Variants in CCDC191 observed in about 807,000 individuals in gnomAD.
CCDC191 encodes coiled-coil domain containing 191.
A neutral mutation model predicts 114.0 loss-of-function variants in CCDC191; 99 were observed. The observed-to-expected ratio is 0.87, with a 90% CI of 0.74 to 1.03. The LOEUF (loss-of-function observed/expected upper bound fraction) is 1.03, where lower values mean the gene tolerates loss of function less well. Ranked by LOEUF, CCDC191 falls within the 50% of genes least tolerant of loss-of-function variation. The pLI is 0.00. For missense variants in CCDC191, 973 were observed against 1,087.0 expected (o/e 0.90, Z 1.47); for synonymous variants, 351 against 376.0 (o/e 0.93, Z 0.77).
intron 8 of CCDC191, among the ~76,000 whole-genome samples, chr3:114,016,102 G>C (rs1279064973): frequency 1.3e-5 from 2 of 152,192 alleles, no homozygotes; most frequent in Non-Finnish European, 2.9e-5. Flanking sequence ...ACGTCAGCGA[G>C]GGGAGCTAGA....
intron 7 of CCDC191, among the ~76,000 whole-genome samples, chr3:114,021,579 C>T (rs1172686779): frequency 6.6e-6 from 1 of 152,084 alleles, no homozygotes; most frequent in Non-Finnish European, 1.5e-5. Context: ...AAGGAATATA[C>T]TCAGTTCCGT....
intron 9 of CCDC191, 146 bp from the exon 10 acceptor site, chr3:114,006,108 C>T (rs2107668667): frequency 1.3e-6 from 1 of 741,964 alleles, no homozygotes; most frequent in East Asian, 2.7e-5. Context: ...GGCCTGGCTA[C>T]CTCAGAGGCC....
At chr3:114,038,297 C>G (rs2076513968) in intron 4 of CCDC191, among the ~76,000 whole-genome samples, 1 of 152,118 alleles carries the variant, frequency 6.6e-6, no homozygotes, top group Non-Finnish European at 1.5e-5. Context: ...TGTCAAATAA[C>G]AACATTTCCA....
chr3:113,975,385 A>G (rs1202343945), intron 16 of CCDC191, among the ~76,000 whole-genome samples: 1 of 152,226 alleles, frequency 6.6e-6, no homozygotes, highest in African/African-American at 2.4e-5. Flanking sequence ...TTCATATAAA[A>G]TTGAATATGA....
rs1258928265 is a variant in CCDC191, at chr3:114,056,364, C to G, written c.90+13G>C. 1 of 1,613,718 alleles carries G rather than the reference C, an allele frequency of 6.2e-7. No homozygotes were observed. The highest frequency in any genetic ancestry group is 8.5e-7 in the Non-Finnish European group (1 of 1,179,668). On this transcript the variant is annotated intron_variant, in intron 1 of 16. Coordinates refer to ENST00000295878, the MANE Select transcript of CCDC191 (RefSeq NM_020817.2). ...GAAAGTCCCCGCCCTCCAAAGCTCT[C>G]GATTGGGATCACCTTGGGACTCGGC...
intron 1 of CCDC191, among the ~76,000 whole-genome samples, chr3:114,055,625 C>G (rs1577492745): frequency 1.3e-5 from 2 of 152,212 alleles, no homozygotes. Context: ...TAGCTGAAAG[C>G]TGAGAAGCTT....
Position 113,965,335 on chromosome 3 carries a change from C to T in CCDC191, c.2631G>A (p.Arg877=). 1.2e-5 allele frequency: 19 copies of T among 1,598,238 alleles called. No individual in the cohort carries two copies. Among genetic ancestry groups the T allele is most frequent in the Non-Finnish European group, 1.6e-5 (19 of 1,173,290 alleles). Residue 877 remains arginine, a synonymous_variant, in exon 17 of 17, where the codon CGG becomes CGA. Transcript: ENST00000295878. ...SDRRILWITL[R]TWKKFVKFMK... ...TAAATTTTACAAACTTCTTCCATGT[C>T]CGAAGGGTGATCCAGAGGATCCTCC...
chr3:113,993,200 G>A (rs1457371815), intron 13 of CCDC191, among the ~76,000 whole-genome samples: 1 of 152,176 alleles, frequency 6.6e-6, no homozygotes, highest in Non-Finnish European at 1.5e-5. Context: ...GAGAGGCTGA[G>A]GCAGGAGGAT....
At chr3:114,009,293 T>C (rs570318252) in intron 9 of CCDC191, among the ~76,000 whole-genome samples, 8 of 152,306 alleles carry the variant, frequency 5.3e-5, no homozygotes, top group African/African-American at 1.9e-4. Context: ...ACTGTAACTT[T>C]CTATTTTATA....
intron 16 of CCDC191, among the ~76,000 whole-genome samples, chr3:113,972,794 T>A (rs1577314261): frequency 6.6e-6 from 1 of 152,304 alleles, no homozygotes; most frequent in Middle Eastern, 3.4e-3. Flanking sequence ...ATTGACCTCT[T>A]TATCATTATA....
chr3:114,031,887 A>C, intron 6 of CCDC191, 108 bp from the exon 7 acceptor site: 2 of 596,352 alleles, frequency 3.4e-6, no homozygotes, highest in East Asian at 2.9e-5. Context: ...CGGAATACAC[A>C]TATTTTTAGA....
At chr3:113,987,449 AG>A (rs1182439721) in intron 13 of CCDC191, among the ~76,000 whole-genome samples, 2 of 152,244 alleles carry the variant, frequency 1.3e-5, no homozygotes, top group Admixed American at 6.5e-5. Context: ...GGCTATTTAT[AG>A]TATACATAAA....
chr3:113,977,073 G>T (rs1941417159), intron 16 of CCDC191, among the ~76,000 whole-genome samples: 1 of 152,110 alleles, frequency 6.6e-6, no homozygotes, highest in South Asian at 2.1e-4. Context: ...AAACACCCAT[G>T]CACAAACATG....
At chr3:113,988,397 C>T (rs749760090) in intron 13 of CCDC191, among the ~76,000 whole-genome samples, 12 of 151,840 alleles carry the variant, frequency 7.9e-5, no homozygotes, top group Non-Finnish European at 1.3e-4. Flanking sequence ...CCAGCCAAGA[C>T]GGGTGGATCA....
chr3:114,038,173 T>G (rs772556374), intron 4 of CCDC191, among the ~76,000 whole-genome samples: 1 of 152,216 alleles, frequency 6.6e-6, no homozygotes, highest in Non-Finnish European at 1.5e-5. Context: ...GGTAACTCAT[T>G]GTAGTTTTAA....
rs1298262924 is a variant in CCDC191, at chr3:114,002,534, C to T, written c.1983G>A (p.Met661Ile). 1.2e-6 allele frequency: 2 copies of T among 1,606,396 alleles called. No individual in the cohort carries two copies. The highest frequency in any genetic ancestry group is 2.7e-5 in the African/African-American group (2 of 74,720). ...CAGCTCGTTGAATTGCTCTCTCTTC[C>T]ATAGCTAGAAAATAGTAACAGAGTT... ...LMTPHPILKA[M>I]EERAIQRAEC... The change falls in exon 12 of 17, where the codon ATG (methionine) becomes ATA (isoleucine). Residue 661 changes from methionine (M) to isoleucine (I), a missense_variant. Met to Ile is a conservative substitution (Grantham distance 10, BLOSUM62 1). Transcript: ENST00000295878.
chr3:114,016,440 G>C (rs2076159426), intron 8 of CCDC191, among the ~76,000 whole-genome samples: 1 of 152,094 alleles, frequency 6.6e-6, no homozygotes, highest in East Asian at 1.9e-4. Context: ...TACTGTCTCT[G>C]GGCCTTACTT....
In CCDC191 at chr3:114,001,673, C is replaced by T. The variant is rs778515420; in HGVS notation, c.2085G>A (p.Glu695=). The T allele has an allele frequency of 1.2e-6, 2 of 1,613,846 alleles. No homozygotes were observed. The highest frequency in any genetic ancestry group is 1.3e-5 in the African/African-American group (1 of 75,004). Residue 695 remains glutamate, a synonymous_variant, in exon 13 of 17, where the codon GAG becomes GAA. Coordinates refer to ENST00000295878, the MANE Select transcript of CCDC191 (RefSeq NM_020817.2). ...EKLAQLKAQE[E]ERQKREAEEK... is the part of the protein sequence containing the mutation. Reference sequence around the variant, plus strand: ...CTTCTGCCTCCCTTTTCTGACGTTCCTCCTCTTGGGCCTTTAACTGGGCCT... The same window carrying T: ...CTTCTGCCTCCCTTTTCTGACGTTCTTCCTCTTGGGCCTTTAACTGGGCCT...
intron 1 of CCDC191, among the ~76,000 whole-genome samples, chr3:114,054,925 A>T (rs969242580): frequency 6.6e-6 from 1 of 152,028 alleles, no homozygotes; most frequent in South Asian, 2.1e-4. Context: ...TATCCTGATG[A>T]TTTGTCATTG....
Sources: gnomAD v4.1 joint callset for allele counts (sites outside exome capture counted in the v4.1 genomes callset) on GRCh38, gnomAD v4.1.1 for gene constraint, MANE v1.5 for transcripts, NCBI Gene and HGNC (gene_info 2026-07-23, HGNC 2026-07-21) for gene names.